KLHL3: variants seen among roughly 807,000 people sequenced by gnomAD.
The protein encoded by KLHL3 is kelch-like protein 3.
In KLHL3, 19 loss-of-function variants were observed where a neutral mutation model predicts 70.5. The observed-to-expected ratio is 0.27, with a 90% CI of 0.19 to 0.40. The LOEUF is 0.40. Ranked by LOEUF, KLHL3 falls within the 10% of genes least tolerant of loss-of-function variation. KLHL3 has a pLI of 1.00. For missense variants in KLHL3, 512 were observed against 771.1 expected (o/e 0.66, Z 3.98); for synonymous variants, 258 against 290.3 (o/e 0.89, Z 1.13).
At chr5:137,664,453 G>A (rs533541254) in intron 6 of KLHL3, among the ~76,000 whole-genome samples, 16 of 152,140 alleles carry the variant, frequency 1.1e-4, no homozygotes, top group South Asian at 8.3e-4. Context: ...AAGGAATGAC[G>A]GAATTAGAAA....
intron 14 of KLHL3, among the ~76,000 whole-genome samples, chr5:137,624,680 AAG>A (rs1467074860): frequency 6.6e-6 from 1 of 152,232 alleles, no homozygotes; most frequent in Non-Finnish European, 1.5e-5. Context: ...TATGGATTAA[AAG>A]AGATAATGAC....
At chr5:137,657,416 G>C (rs1162157869) in intron 8 of KLHL3, among the ~76,000 whole-genome samples, 5 of 152,132 alleles carry the variant, frequency 3.3e-5, no homozygotes, top group Admixed American at 2.6e-4. Flanking sequence ...CAGGACTTTA[G>C]GGATCGAGTG....
chr5:137,631,383 A>G (rs1750633010), intron 12 of KLHL3, among the ~76,000 whole-genome samples: 1 of 152,196 alleles, frequency 6.6e-6, no homozygotes, highest in African/African-American at 2.4e-5. Context: ...GAAGTGGAAA[A>G]CCTTTTGAAA....
chr5:137,628,968 A>G (rs10045004), intron 12 of KLHL3: 53,535 of 151,622 alleles, frequency 0.35, 10,139 homozygotes, highest in East Asian at 0.54. Context: ...AGAGTTAAAA[A>G]TTGAAACTAG....
intron 3 of KLHL3, among the ~76,000 whole-genome samples, chr5:137,702,270 T>C (rs574933393): frequency 5.5e-4 from 84 of 152,300 alleles, no homozygotes; most frequent in Admixed American, 1.1e-3. Flanking sequence ...CCAGGTTTGC[T>C]CTTCCAGAGA....
At chr5:137,641,547 T>C (rs1478398927) in intron 8 of KLHL3, among the ~76,000 whole-genome samples, 1 of 152,222 alleles carries the variant, frequency 6.6e-6, no homozygotes, top group Non-Finnish European at 1.5e-5. Context: ...TGCTTTTTAC[T>C]TCCCCATGAT....
chr5:137,655,393 A>G (rs565035832), intron 8 of KLHL3, among the ~76,000 whole-genome samples: 54 of 152,340 alleles, frequency 3.5e-4, no homozygotes, highest in African/African-American at 1.1e-3. Flanking sequence ...CCTTACACAC[A>G]AAAAATAATT....
At chr5:137,679,127 A>G (rs1751960809) in intron 5 of KLHL3, among the ~76,000 whole-genome samples, 1 of 143,292 alleles carries the variant, frequency 7.0e-6, no homozygotes, top group Non-Finnish European at 1.6e-5. Flanking sequence ...AAGATCTTAA[A>G]ATAAAAGCAA....
chr5:137,734,296 G>A (rs906671995), intron 1 of KLHL3, among the ~76,000 whole-genome samples: 6 of 152,144 alleles, frequency 3.9e-5, no homozygotes, highest in South Asian at 4.1e-4. Flanking sequence ...CCACACTTAG[G>A]AAATAGGCCT....
At position 137,639,914 on chromosome 5, in the gene KLHL3, C is replaced by T. The variant is rs781462612; in HGVS notation, c.967G>A (p.Glu323Lys). Residue 323 changes from glutamate (E) to lysine (K), a missense_variant, in exon 9 of 15, where the codon GAG (glutamate) becomes AAG (lysine). Coordinates refer to ENST00000309755, the MANE Select transcript of KLHL3 (RefSeq NM_017415.3). The surrounding 1 kb of genome is among the most constrained non-coding windows in gnomAD (Gnocchi z 5.0). The stretch of plus-strand genomic sequence containing the variant: ...GCAATCTGATCCCACCGGTCCTCCT[C>T]GAAATCATAGCACTCCACACTGCGG... ...AIRSVECYDF[E>K]EDRWDQIAEL... 25 of 1,614,138 alleles carry T rather than the reference C, an allele frequency of 1.5e-5. No homozygotes were observed. Among genetic ancestry groups the T allele is most frequent in the Middle Eastern group, 3.3e-4 (2 of 6,062 alleles).
chr5:137,617,684 T>C lies in KLHL3; in HGVS notation c.*4414A>G, dbSNP rs990465552. 1 of 152,234 alleles carries C rather than the reference T, an allele frequency of 6.6e-6. No homozygotes were observed. Among genetic ancestry groups the C allele is most frequent in the Non-Finnish European group, 1.5e-5 (1 of 68,052 alleles). 9.4% of individuals were successfully genotyped at this position (152,234 alleles called of 1,614,324 possible). On this transcript the variant is annotated 3_prime_UTR_variant, in exon 15 of 15. Coordinates refer to ENST00000309755, the MANE Select transcript of KLHL3 (RefSeq NM_017415.3). ...CGCAGAGAACACCAGATCGAGGATCTTACCTATGCAATATGTTGTACGGGG... is the reference window on the plus strand; with the variant it reads ...CGCAGAGAACACCAGATCGAGGATCCTACCTATGCAATATGTTGTACGGGG...
chr5:137,664,544 A>T (rs1751565757), intron 6 of KLHL3, among the ~76,000 whole-genome samples: 1 of 151,958 alleles, frequency 6.6e-6, no homozygotes, highest in Non-Finnish European at 1.5e-5. Flanking sequence ...AAAGTTGTTA[A>T]AGGCCAGGTG....
intron 7 of KLHL3, 57 bp from the exon 8 acceptor site, chr5:137,658,337 C>A: frequency 1.3e-6 from 2 of 1,558,872 alleles, no homozygotes; most frequent in Admixed American, 1.7e-5. Flanking sequence ...ATTTCCCAAG[C>A]TTTCACCCTG....
rs113394541 is a variant in KLHL3, at chr5:137,667,163, C to T, written c.637-5132G>A. ...GCCACACTCATCGTTTACATATTGT[C>T]TATGGCTGCTTTCACATTACAGTAG... On this transcript the variant is annotated intron_variant, in intron 6 of 14. Coordinates refer to ENST00000309755, the MANE Select transcript of KLHL3 (RefSeq NM_017415.3). Among the ~76,000 whole-genome samples the T allele has an allele frequency of 6.4e-4, 97 of 152,306 alleles. 1 individual carries two copies. The highest frequency in any genetic ancestry group is 2.0e-3 in the African/African-American group (84 of 41,572).
At chr5:137,640,737 C>CT (rs1359868353) in intron 8 of KLHL3, among the ~76,000 whole-genome samples, 3 of 151,688 alleles carry the variant, frequency 2.0e-5, no homozygotes, top group Non-Finnish European at 4.4e-5. Context: ...CCAGCCACCC[C>CT]CCCCAACTCC....
At chr5:137,635,244 AGCCTGGCTTTGTTTTCTGCCCCAGGG>A (rs1750739114) in intron 11 of KLHL3, among the ~76,000 whole-genome samples, 1 of 152,202 alleles carries the variant, frequency 6.6e-6, no homozygotes. Flanking sequence ...ATCATCATCG[AGCCTGGCTTTGTTTTCTGCCCCAGGG>A]TCCTCTCAAT....
At chr5:137,663,056 C>CTTTTTTTTT (rs139890036) in intron 6 of KLHL3, among the ~76,000 whole-genome samples, 18 of 77,920 alleles carry the variant, frequency 2.3e-4, no homozygotes, top group African/African-American at 3.8e-4. Context: ...AGCACTCGTT[C>CTTTTTTTTT]TTTTTTTTTT....
chr5:137,709,856 A>G lies in KLHL3; in HGVS notation c.135T>C (p.Ser45=), dbSNP rs1450223151. 1 of 1,612,682 alleles carries G rather than the reference A, an allele frequency of 6.2e-7. No individual in the cohort carries two copies. The highest frequency in any genetic ancestry group is 1.1e-5 in the South Asian group (1 of 91,034). Reference sequence around the variant, plus strand: ...TCATCACGTCACACAACAGCTGTTTACTGTAAGACACCAGTGAGAGGACAG... The same window carrying G: ...TCATCACGTCACACAACAGCTGTTTGCTGTAAGACACCAGTGAGAGGACAG... The part of the protein sequence containing the change: ...KAFKVMNELR[S]KQLLCDVMIV... Residue 45 remains serine, a splice_region_variant and synonymous_variant, in exon 3 of 15, where the codon AGT becomes AGC. Coordinates refer to ENST00000309755, the MANE Select transcript of KLHL3 (RefSeq NM_017415.3).
chr5:137,639,233 C>G lies in KLHL3; in HGVS notation c.1022-83G>C. ...GATGGATGGCAATGGAGGAGCAAGACAGACACAGGAAAAGTCGCCACCGAA... is the reference window on the plus strand; with the variant it reads ...GATGGATGGCAATGGAGGAGCAAGAGAGACACAGGAAAAGTCGCCACCGAA... On this transcript the variant is annotated intron_variant, in intron 9 of 14. Transcript: ENST00000309755. The surrounding 1 kb of genome is among the most constrained non-coding windows in gnomAD (Gnocchi z 5.0). 1 of 1,369,078 alleles carries G rather than the reference C, an allele frequency of 7.3e-7. No homozygotes were observed. Among genetic ancestry groups the G allele is most frequent in the South Asian group, 1.3e-5 (1 of 79,152 alleles). The allele number at this position is 1,369,078 out of a possible 1,614,324, so 84.8% of individuals were successfully genotyped here.
Sources: gnomAD v4.1 joint callset for allele counts (sites outside exome capture counted in the v4.1 genomes callset) on GRCh38, gnomAD v4.1.1 for gene constraint, Gnocchi (gnomAD v3.1) non-coding constraint, MANE v1.5 for transcripts, NCBI Gene and HGNC (gene_info 2026-07-23, HGNC 2026-07-21) for gene names.